SLC36A4: variants seen among roughly 807,000 people sequenced by gnomAD.
The protein encoded by SLC36A4 is solute carrier family 36 member 4.
Under a neutral mutation model 50.5 loss-of-function variants are expected in SLC36A4, and 49 were observed. That is an observed-to-expected ratio of 0.97 (90% confidence interval 0.77 to 1.23). SLC36A4 has a LOEUF of 1.23. SLC36A4 is among the 50% of genes most tolerant of loss of function. The probability of loss-of-function intolerance (pLI) is 0.00; values close to 1 mark genes in which losing one functional copy is unlikely to be tolerated. For synonymous variants in SLC36A4, 207 were observed against 206.5 expected (o/e 1.00, Z -0.02); for missense variants, 611 against 608.4 (o/e 1.00, Z -0.05).
At chr11:93,194,741 A>C (rs766090754) in intron 1 of SLC36A4, among the ~76,000 whole-genome samples, 1 of 152,158 alleles carries the variant, frequency 6.6e-6, no homozygotes, top group Admixed American at 6.5e-5. Context: ...AACTCTCATT[A>C]TGTTCTCATT....
Position 93,162,822 on chromosome 11 carries a change from C to T in SLC36A4, c.921G>A (p.Leu307=). Residue 307 remains leucine, a synonymous_variant, in exon 9 of 11, where the codon TTG becomes TTA. Coordinates refer to ENST00000326402, the MANE Select transcript of SLC36A4 (RefSeq NM_152313.4). ...MKESKRFPQA[L]NIGMGIVTTL... The stretch of plus-strand genomic sequence containing the variant: ...TTGTAACAATCCCCATGCCAATATT[C>T]AACGCTTGAGGGAAACGCTTTGATT... 5 of 1,613,782 alleles carry T rather than the reference C, an allele frequency of 3.1e-6. No individual in the cohort carries two copies. Among genetic ancestry groups the T allele is most frequent in the Non-Finnish European group, 4.2e-6 (5 of 1,179,888 alleles).
rs1435741240 is a variant in SLC36A4 at position 93,144,329 on chromosome 11, A to C, written c.*4208T>G. ...AACAAAATCATTTTGAAAAACAAAA[A>C]TCCACCCACAGCTGAATTTATTCAG... On this transcript the variant is annotated 3_prime_UTR_variant, in exon 11 of 11. Transcript: ENST00000326402. 6.6e-6 allele frequency: 1 copy of C among 152,108 alleles called. No homozygotes were observed. Among genetic ancestry groups the C allele is most frequent in the African/African-American group, 2.4e-5 (1 of 41,450 alleles). 9.4% of individuals were successfully genotyped at this position (152,108 alleles called of 1,614,324 possible).
chr11:93,174,800 A>T (rs1861374070), intron 6 of SLC36A4, among the ~76,000 whole-genome samples: 1 of 143,196 alleles, frequency 7.0e-6, no homozygotes, highest in African/African-American at 2.6e-5. Flanking sequence ...GTTGAAGCCC[A>T]CTTGATCATG....
intron 1 of SLC36A4, among the ~76,000 whole-genome samples, chr11:93,192,689 C>CTA (rs1278523492): frequency 3.9e-5 from 6 of 152,046 alleles, no homozygotes; most frequent in Non-Finnish European, 5.9e-5. Context: ...CTTTGAAATG[C>CTA]AGCATGTATT....
intron 2 of SLC36A4, chr11:93,185,370 T>C: frequency 5.2e-6 from 1 of 193,604 alleles, no homozygotes; most frequent in Non-Finnish European, 1.0e-5. Context: ...CTCCACGACT[T>C]TGTTTCAGTA....
intron 6 of SLC36A4, chr11:93,171,570 T>A (rs1861136448): frequency 6.6e-6 from 1 of 152,092 alleles, no homozygotes; most frequent in African/African-American, 2.4e-5. Flanking sequence ...ATAATGTATA[T>A]CATGGTTTCT....
chr11:93,181,980 T>C (rs1210205805), intron 4 of SLC36A4, among the ~76,000 whole-genome samples, 194 bp from the exon 5 acceptor site: 2 of 152,148 alleles, frequency 1.3e-5, no homozygotes, highest in African/African-American at 4.8e-5. Flanking sequence ...TGTTTAAATC[T>C]GTCCTTTTTA....
chr11:93,153,026 C>G (rs564044416), intron 10 of SLC36A4, among the ~76,000 whole-genome samples: 1 of 151,958 alleles, frequency 6.6e-6, no homozygotes, highest in African/African-American at 2.4e-5. Context: ...GTAATTACTT[C>G]GAAAAATACA....
In SLC36A4 at chr11:93,166,593, G is replaced by T. The variant is rs1860878452; in HGVS notation, c.769-577C>A. 4 of 179,448 alleles carry T rather than the reference G, an allele frequency of 2.2e-5. No homozygotes were observed. In the South Asian group the frequency reaches 7.4e-4, roughly 33 times the overall value. 11.1% of individuals were successfully genotyped at this position (179,448 alleles called of 1,614,324 possible). A position where few individuals can be genotyped will look rare whatever the true frequency, so the allele number is the denominator to read the frequency against. The stretch of plus-strand genomic sequence containing the variant: ...ATATATATGTCCTGACTCTGGCTTT[G>T]ATTGCTTGGTCCTGACTCACAGGCT... On this transcript the variant is annotated intron_variant, in intron 7 of 10. Coordinates refer to ENST00000326402, the MANE Select transcript of SLC36A4 (RefSeq NM_152313.4).
chr11:93,171,048 C>T (rs181240931), intron 6 of SLC36A4: 31 of 151,932 alleles, frequency 2.0e-4, no homozygotes, highest in Admixed American at 2.0e-3. Flanking sequence ...TAAAAGAACA[C>T]CTCTGTAGAG....
At chr11:93,156,755 C>T (rs1016666762) in intron 9 of SLC36A4, among the ~76,000 whole-genome samples, 34 of 152,068 alleles carry the variant, frequency 2.2e-4, no homozygotes, top group African/African-American at 8.0e-4. Context: ...GATATTAGAC[C>T]TTTGTTCAAT....
At chr11:93,150,701 T>C (rs2134624988) in intron 10 of SLC36A4, among the ~76,000 whole-genome samples, 1 of 152,180 alleles carries the variant, frequency 6.6e-6, no homozygotes, top group Admixed American at 6.6e-5. Context: ...GTTACATATA[T>C]AGCCTTTTAA....
chr11:93,197,751 G>A (rs1488798949), intron 1 of SLC36A4, 27 bp downstream of exon 1: 9 of 1,584,386 alleles, frequency 5.7e-6, no homozygotes, highest in South Asian at 1.1e-5. Flanking sequence ...CGTCAGCCCC[G>A]GCTCCCTGCC....
At chr11:93,184,338 A>T in intron 3 of SLC36A4, 92 bp downstream of exon 3, 1 of 778,864 alleles carries the variant, frequency 1.3e-6, no homozygotes, top group Non-Finnish European at 2.2e-6. Context: ...ATGTCACCTT[A>T]CCAGGTTATA....
rs1861894935 is a variant in SLC36A4 at position 93,184,614 on chromosome 11, ATCTAGGCAAGGAACCAAATAAC to A, written c.180-116_180-95del. 3 of 749,940 alleles carry A rather than the reference ATCTAGGCAAGGAACCAAATAAC, an allele frequency of 4.0e-6. No homozygotes were observed. The East Asian group carries it at 7.8e-5, about 20-fold the overall frequency. 46.5% of individuals were successfully genotyped at this position (749,940 alleles called of 1,614,324 possible). A position where few individuals can be genotyped will look rare whatever the true frequency, so the allele number is the denominator to read the frequency against. ...AGTACTAGAAGGGAACTGAAAATTA[ATCTAGGCAAGGAACCAAATAAC>A]ATTTCCATCCCACCACTGGGCCAGA... On this transcript the variant is annotated intron_variant, in intron 2 of 10. Coordinates refer to ENST00000326402, the MANE Select transcript of SLC36A4 (RefSeq NM_152313.4).
intron 6 of SLC36A4, among the ~76,000 whole-genome samples, chr11:93,175,962 G>A: frequency 7.4e-6 from 1 of 134,588 alleles, no homozygotes; most frequent in African/African-American, 2.9e-5. Flanking sequence ...TGTCTATTAG[G>A]TCCGCTTGGT....
chr11:93,162,905 A>G, intron 8 of SLC36A4, 30 bp from the exon 9 acceptor site: 1 of 1,584,290 alleles, frequency 6.3e-7, no homozygotes. Flanking sequence ...CTTTTTTTTA[A>G]GGGAATACAA....
rs751228107 is a variant in SLC36A4, at chr11:93,154,135, T to A, written c.1180A>T (p.Ile394Leu). 6.4e-7 allele frequency: 1 copy of A among 1,551,278 alleles called. No homozygotes were observed. Among genetic ancestry groups the A allele is most frequent in the South Asian group, 1.3e-5 (1 of 77,760 alleles). ...TKWKQICEFG[I>L]RSFLVSITCA... The stretch of plus-strand genomic sequence containing the variant: ...GTAATACTAACCAAGAAGGATCTTA[T>A]CCCAAATTCACAGATTTGCTTCCAT... Residue 394 changes from isoleucine (I) to leucine (L), a missense_variant, in exon 10 of 11, where the codon ATA becomes TTA. Physicochemically the swap from Ile to Leu is conservative, Grantham distance 5. Transcript: ENST00000326402.
Position 93,146,719 on chromosome 11 carries a change from G to C in SLC36A4, c.*1818C>G, listed in dbSNP as rs1859852849. 6.6e-6 allele frequency: 1 copy of C among 152,020 alleles called. No individual in the cohort carries two copies. Among genetic ancestry groups the C allele is most frequent in the Admixed American group, 6.6e-5 (1 of 15,236 alleles). 9.4% of individuals were successfully genotyped at this position (152,020 alleles called of 1,614,324 possible). A position where few individuals can be genotyped will look rare whatever the true frequency, so the allele number is the denominator to read the frequency against. ...AAGTATGGTATACTAACAAACTAGAGTATCACCAGCCTGAGTAAACAGTTC... is the reference window on the plus strand; with the variant it reads ...AAGTATGGTATACTAACAAACTAGACTATCACCAGCCTGAGTAAACAGTTC... On this transcript the variant is annotated 3_prime_UTR_variant, in exon 11 of 11. Coordinates refer to ENST00000326402, the MANE Select transcript of SLC36A4 (RefSeq NM_152313.4).
Sources: allele counts gnomAD v4.1 joint callset (sites outside exome capture counted in the v4.1 genomes callset), GRCh38; gene constraint gnomAD v4.1.1; transcripts MANE v1.5; gene names NCBI Gene and HGNC (gene_info 2026-07-23, HGNC 2026-07-21).